PCDHGB3: variants seen among roughly 807,000 people sequenced by gnomAD.
PCDHGB3 encodes the protein protocadherin gamma subfamily B, 3.
Under a neutral mutation model 59.2 loss-of-function variants are expected in PCDHGB3, and 40 were observed. The observed-to-expected ratio is 0.68, with a 90% CI of 0.52 to 0.88. The LOEUF is 0.88. PCDHGB3 is among the 40% of genes least tolerant of loss of function. The probability of loss-of-function intolerance (pLI) is 0.00; values close to 1 mark genes in which losing one functional copy is unlikely to be tolerated. For missense variants in PCDHGB3, 1,309 were observed against 1,187.9 expected (o/e 1.10, Z -1.50); for synonymous variants, 581 against 503.6 (o/e 1.15, Z -2.06).
Position 141,431,344 on chromosome 5 carries a change from G to T in PCDHGB3, c.2415+58535G>T. On this transcript the variant is annotated intron_variant, in intron 1 of 3. Coordinates refer to ENST00000576222, the MANE Select transcript of PCDHGB3 (RefSeq NM_018924.5). This position sits in a 1 kb window ranked among gnomAD's most constrained non-coding sequence, Gnocchi z 4.8. ...ACGGTAGTAAGTACCCCGAATTGGT[G>T]CTGAAACGCGCCCTGGACCGCGAAG... 1 of 1,614,078 alleles carries T rather than the reference G, an allele frequency of 6.2e-7. No individual in the cohort carries two copies. The highest frequency in any genetic ancestry group is 1.3e-5 in the African/African-American group (1 of 75,068).
intron 1 of PCDHGB3, chr5:141,423,051 C>T (rs200022455): frequency 1.7e-5 from 28 of 1,614,084 alleles, no homozygotes; most frequent in Non-Finnish European, 2.3e-5. Context: ...TGTCCTATCG[C>T]CTGCTTAAGG....
chr5:141,439,756 G>A (rs74623862), intron 1 of PCDHGB3: 30 of 152,422 alleles, frequency 2.0e-4, no homozygotes, highest in African/African-American at 7.0e-4. Context: ...CAGGCAATGA[G>A]TTCAGCTCCT....
chr5:141,494,678 G>A, intron 1 of PCDHGB3, 129 bp from the exon 2 acceptor site: 1 of 1,554,384 alleles, frequency 6.4e-7, no homozygotes, highest in Non-Finnish European at 8.7e-7. Flanking sequence ...GTCCACCCCT[G>A]CCCCCTCTTA....
At chr5:141,414,090 A>C (rs2095707874) in intron 1 of PCDHGB3, 4 of 1,598,352 alleles carry the variant, frequency 2.5e-6, no homozygotes, top group Non-Finnish European at 3.4e-6. Context: ...CTGGAGAAAT[A>C]AAAATATCAG....
At position 141,376,211 on chromosome 5, in the gene PCDHGB3, G is replaced by T; in HGVS notation, c.2415+3402G>T. The T allele has an allele frequency of 6.2e-7, 1 of 1,614,180 alleles. No homozygotes were observed. Among genetic ancestry groups the T allele is most frequent in the South Asian group, 1.1e-5 (1 of 91,070 alleles). ...CTGCGTCTTCCTGGCCTTCGTCATC[G>T]TGCTGCTGGCGCTCAGACTGCAGCG... On this transcript the variant is annotated intron_variant, in intron 1 of 3. Transcript: ENST00000576222.
intron 1 of PCDHGB3, chr5:141,441,702 A>G: frequency 3.2e-6 from 1 of 309,906 alleles, no homozygotes. Context: ...GCGAGCCTTC[A>G]AGCTCACGCT....
In PCDHGB3 at chr5:141,433,198, A is replaced by G. The variant is rs373769649; in HGVS notation, c.2415+60389A>G. 11 of 1,581,706 alleles carry G rather than the reference A, an allele frequency of 7.0e-6. No individual in the cohort carries two copies. The African/African-American group carries it at 1.1e-4, about 16-fold the overall frequency. On this transcript the variant is annotated intron_variant, in intron 1 of 3. Coordinates refer to ENST00000576222, the MANE Select transcript of PCDHGB3 (RefSeq NM_018924.5). ...GGTTAATTGAGGTGAGTTTATATCA[A>G]ATCTTCTTTCTTTTTTTTTTTTAAT...
Position 141,432,701 on chromosome 5 carries a change from G to A in PCDHGB3, c.2415+59892G>A, listed in dbSNP as rs200101512. ...GCAGAGCCTCGTAGTGGCCGTCCAG[G>A]ACCACGGCCAGCCCCCTCTCTCCGC... On this transcript the variant is annotated intron_variant, in intron 1 of 3. Coordinates refer to ENST00000576222, the MANE Select transcript of PCDHGB3 (RefSeq NM_018924.5). This position sits in a 1 kb window ranked among gnomAD's most constrained non-coding sequence, Gnocchi z 6.0. The A allele has an allele frequency of 2.7e-5, 44 of 1,613,842 alleles. No homozygotes were observed. The Admixed American group carries it at 5.3e-4, about 20-fold the overall frequency.
rs930695301 is a variant in PCDHGB3, at chr5:141,472,874, T to C, written c.2416-21933T>C. On this transcript the variant is annotated intron_variant, in intron 1 of 3. Coordinates refer to ENST00000576222, the MANE Select transcript of PCDHGB3 (RefSeq NM_018924.5). ...GGTGGCACATGCCTGTATTCCCAGC[T>C]ACTCGGGAGGCTGAGGCAGGAGAAT... Among the ~76,000 whole-genome samples, 5 of 150,448 alleles carry C rather than the reference T, an allele frequency of 3.3e-5. No homozygotes were observed. In the Admixed American group the frequency reaches 3.3e-4, roughly 10 times the overall value.
chr5:141,431,008 C>T lies in PCDHGB3; in HGVS notation c.2415+58199C>T. The T allele has an allele frequency of 6.2e-7, 1 of 1,614,118 alleles. No individual in the cohort carries two copies. The highest frequency in any genetic ancestry group is 1.1e-5 in the South Asian group (1 of 91,076). ...TCGCCCTGAATCCGCGCAGCGGCAG[C>T]TTGGTCACGGCGGGCAGGATAGACC... On this transcript the variant is annotated intron_variant, in intron 1 of 3. Transcript: ENST00000576222. This position sits in a 1 kb window ranked among gnomAD's most constrained non-coding sequence, Gnocchi z 4.8.
intron 1 of PCDHGB3, among the ~76,000 whole-genome samples, chr5:141,400,862 A>C (rs1239905125): frequency 6.6e-6 from 1 of 152,224 alleles, no homozygotes; most frequent in African/African-American, 2.4e-5. Context: ...TTGTATGTAG[A>C]TAAACCATTA....
At chr5:141,454,774 G>A (rs1228452126) in intron 1 of PCDHGB3, among the ~76,000 whole-genome samples, 2 of 144,796 alleles carry the variant, frequency 1.4e-5, no homozygotes, top group African/African-American at 2.6e-5. Context: ...TTTTTACAAG[G>A]AAATAATCCT....
At chr5:141,419,959 T>C (rs765017440) in intron 1 of PCDHGB3, 5 of 1,614,104 alleles carry the variant, frequency 3.1e-6, no homozygotes, top group Non-Finnish European at 3.4e-6. Flanking sequence ...CCTTGATTTC[T>C]GTGCTCTTTC....
At chr5:141,506,955 C>G (rs1387377785) in intron 3 of PCDHGB3, 1 of 152,244 alleles carries the variant, frequency 6.6e-6, no homozygotes, top group Non-Finnish European at 1.5e-5. Context: ...AATGAATCCT[C>G]TCAATAGCTC....
intron 1 of PCDHGB3, chr5:141,422,162 A>T: frequency 6.4e-7 from 1 of 1,571,230 alleles, no homozygotes; most frequent in Non-Finnish European, 8.6e-7. Context: ...GATTTTGAAA[A>T]ATATAGATTC....
intron 1 of PCDHGB3, chr5:141,422,206 G>A (rs1269700250): frequency 6.4e-7 from 1 of 1,562,324 alleles, no homozygotes; most frequent in Non-Finnish European, 8.6e-7. Flanking sequence ...AGATGGTGGA[G>A]GTCTCTTTAC....
In PCDHGB3 at chr5:141,487,844, A is replaced by T; in HGVS notation, c.2416-6963A>T. The T allele has an allele frequency of 1.9e-6, 2 of 1,043,194 alleles. No individual in the cohort carries two copies. The highest frequency in any genetic ancestry group is 2.7e-6 in the Non-Finnish European group (2 of 730,908). The allele number at this position is 1,043,194 out of a possible 1,614,324, so 64.6% of individuals were successfully genotyped here. ...CGGGTCATGCCTATATCTGAGTAAG[A>T]AATGAAAGTAATTGGTGATCAAGAG... On this transcript the variant is annotated intron_variant, in intron 1 of 3. Transcript: ENST00000576222. This position sits in a 1 kb window ranked among gnomAD's most constrained non-coding sequence, Gnocchi z 5.0.
rs767000210 is a variant in PCDHGB3 at position 141,371,338 on chromosome 5, A to G, written c.944A>G (p.Tyr315Cys). The G allele has an allele frequency of 6.2e-7, 1 of 1,613,990 alleles. No homozygotes were observed. The highest frequency in any genetic ancestry group is 8.5e-7 in the Non-Finnish European group (1 of 1,179,866). Reference protein sequence around the residue: ...GELDFEERDSYTIGVEAKDGG... With the variant: ...GELDFEERDSCTIGVEAKDGG... ...CTGGACTTTGAAGAGAGAGATAGCT[A>G]CACAATTGGGGTGGAAGCAAAGGAT... is the stretch of plus-strand genomic sequence containing the variant. Residue 315 changes from tyrosine (Y) to cysteine (C), a missense_variant, in exon 1 of 4, where the codon TAC becomes TGC. Coordinates refer to ENST00000576222, the MANE Select transcript of PCDHGB3 (RefSeq NM_018924.5).
intron 1 of PCDHGB3, chr5:141,373,900 C>G (rs1392088085): frequency 1.8e-6 from 1 of 550,068 alleles, no homozygotes; most frequent in Non-Finnish European, 3.0e-6. Context: ...CAAGTTACAT[C>G]CTCCAACAAC....
Sources: allele counts gnomAD v4.1 joint callset (sites outside exome capture counted in the v4.1 genomes callset), GRCh38; gene constraint gnomAD v4.1.1; non-coding constraint Gnocchi (gnomAD v3.1); transcripts MANE v1.5; gene names NCBI Gene and HGNC (gene_info 2026-07-23, HGNC 2026-07-21).